LMO7: variants seen among roughly 807,000 people sequenced by gnomAD.
LMO7 encodes the protein LIM domain 7.
In LMO7, 120 loss-of-function variants were observed where a neutral mutation model predicts 206.5. That is an observed-to-expected ratio of 0.58 (90% CI 0.50 to 0.68). The LOEUF (loss-of-function observed/expected upper bound fraction) is 0.68, where lower values mean the gene tolerates loss of function less well. LMO7 is among the 30% of genes least tolerant of loss of function. LMO7 has a pLI of 0.00. For synonymous variants in LMO7, 706 were observed against 681.5 expected (o/e 1.04, Z -0.56); for missense variants, 1,959 against 1,957.9 (o/e 1.00, Z -0.01).
intron 2 of LMO7, among the ~76,000 whole-genome samples, chr13:75,630,515 A>G (rs1300973112): frequency 6.6e-6 from 1 of 152,196 alleles, no homozygotes; most frequent in African/African-American, 2.4e-5. Flanking sequence ...TCTACAAAAA[A>G]TACAAAAATT....
Position 75,821,326 on chromosome 13 carries a change from A to C in LMO7, c.2357A>C (p.Tyr786Ser), listed in dbSNP as rs750238473. ...AGAGTAGAAGAGAAGGGAGCAACTT[A>C]TCCTTCAGAAATTCCCAAAGAAGAT... ...SERVEEKGAT[Y>S]PSEIPKEDST... is the part of the protein sequence containing the mutation. The change falls in exon 14 of 31, where the codon TAT (tyrosine) becomes TCT (serine). Residue 786 changes from tyrosine to serine, a missense_variant. Coordinates refer to ENST00000377534, the MANE Select transcript of LMO7 (RefSeq NM_001306080.2). 1 of 1,614,194 alleles carries C rather than the reference A, an allele frequency of 6.2e-7. No individual in the cohort carries two copies. Among genetic ancestry groups the C allele is most frequent in the South Asian group, 1.1e-5 (1 of 91,088 alleles).
chr13:75,688,856 C>T (rs1048215016), intron 1 of LMO7: 2 of 152,112 alleles, frequency 1.3e-5, no homozygotes, highest in Non-Finnish European at 2.9e-5. Context: ...GAATAAGCTC[C>T]TTCCATTGGG....
chr13:75,763,219 G>A (rs1387144168), intron 4 of LMO7, among the ~76,000 whole-genome samples: 1 of 152,098 alleles, frequency 6.6e-6, no homozygotes, highest in East Asian at 1.9e-4. Flanking sequence ...TGTGCTACAG[G>A]CATCTAATGG....
intron 1 of LMO7, among the ~76,000 whole-genome samples, chr13:75,652,210 T>C (rs1470380698): frequency 6.6e-6 from 1 of 152,148 alleles, no homozygotes; most frequent in Admixed American, 6.5e-5. Context: ...TTCGGTCTCT[T>C]TTAAGTTGGA....
exon 1 of LMO7, chr13:75,621,855 C>T (rs1481549931): frequency 1.9e-6 from 3 of 1,590,490 alleles, no homozygotes; most frequent in Non-Finnish European, 2.6e-6. Context: ...GGGACAGAGT[C>T]TGCAGCAAAA....
chr13:75,712,619 C>T (rs886786102), intron 1 of LMO7, among the ~76,000 whole-genome samples: 16 of 152,136 alleles, frequency 1.1e-4, no homozygotes, highest in South Asian at 4.1e-4. Context: ...TGTCTCTCTG[C>T]GCCAGGATTT....
At chr13:75,857,546 T>G (rs149911891) in intron 30 of LMO7, 39 of 157,724 alleles carry the variant, frequency 2.5e-4, no homozygotes, top group Middle Eastern at 3.1e-3. Context: ...AGGCTGGGCA[T>G]GTACTGGTGG....
In LMO7 at chr13:75,842,927, C is replaced by T. The variant is rs777645858; in HGVS notation, c.4097+11C>T. 9.1e-6 allele frequency: 14 copies of T among 1,537,320 alleles called. No individual in the cohort carries two copies. In the South Asian group the frequency reaches 1.6e-4, roughly 17 times the overall value. On this transcript the variant is annotated intron_variant, in intron 25 of 30. Coordinates refer to ENST00000377534, the MANE Select transcript of LMO7 (RefSeq NM_001306080.2). ...TCTTCCTGGTGACAGGTATGTAGAG[C>T]ATGTTATTGTAATTTAATTGATGAT...
At chr13:75,665,145 G>C (rs2038968355) in intron 1 of LMO7, among the ~76,000 whole-genome samples, 1 of 151,964 alleles carries the variant, frequency 6.6e-6, no homozygotes, top group Non-Finnish European at 1.5e-5. Context: ...TTTTAAATTT[G>C]TTCTCTTGAT....
At chr13:75,632,412 CT>C (rs2035065297), upstream of LMO7, among the ~76,000 whole-genome samples, 1 of 152,076 alleles carries the variant, frequency 6.6e-6, no homozygotes. Context: ...TAGGAAAAAT[CT>C]GACACACTGT....
chr13:75,856,485 T>A, intron 29 of LMO7, 21 bp from the exon 30 acceptor site: 1 of 1,471,080 alleles, frequency 6.8e-7, no homozygotes, highest in Non-Finnish European at 9.5e-7. Flanking sequence ...TTGTAGATGT[T>A]CTTTTTTTTT....
intron 6 of LMO7, among the ~76,000 whole-genome samples, chr13:75,797,739 T>C (rs1284168255): frequency 6.6e-6 from 1 of 152,184 alleles, no homozygotes; most frequent in African/African-American, 2.4e-5. Context: ...CAGCCACATG[T>C]ATTATAGCAA....
At chr13:75,829,294 A>G (rs1374671023) in intron 15 of LMO7, among the ~76,000 whole-genome samples, 1 of 152,168 alleles carries the variant, frequency 6.6e-6, no homozygotes, top group African/African-American at 2.4e-5. Context: ...CCAGAAAGCA[A>G]GAATAGTGGG....
intron 15 of LMO7, among the ~76,000 whole-genome samples, chr13:75,830,928 T>C (rs949599130): frequency 1.3e-5 from 2 of 152,176 alleles, no homozygotes; most frequent in Non-Finnish European, 2.9e-5. Context: ...TAACCCATGA[T>C]TTGTCTGTTT....
intron 3 of LMO7, among the ~76,000 whole-genome samples, chr13:75,754,030 G>T (rs1213032518): frequency 6.6e-6 from 1 of 152,074 alleles, no homozygotes; most frequent in Admixed American, 6.5e-5. Flanking sequence ...ATAATTTGAG[G>T]TGAAATTCAC....
At chr13:75,691,677 A>G (rs1011881742) in intron 1 of LMO7, among the ~76,000 whole-genome samples, 1 of 152,170 alleles carries the variant, frequency 6.6e-6, no homozygotes, top group Non-Finnish European at 1.5e-5. Context: ...TGTACCCTAC[A>G]TACTACAGGG....
rs1566249065 is a variant in LMO7, at chr13:75,626,576, A to ATATT, written c.225+3257_225+3258insATTT. ...TATTGTCTACCCTCTTAACATATAT[A>ATATT]TTATATATATATATATAAATTTTTT... On this transcript the variant is annotated intron_variant, in intron 2 of 29. Coordinates refer to the LMO7 transcript ENST00000341547. Among the ~76,000 whole-genome samples, 93 of 64,404 alleles carry ATATT rather than the reference A, an allele frequency of 1.4e-3. 5 individuals are homozygous for ATATT. Among genetic ancestry groups the ATATT allele is most frequent in the Middle Eastern group, 7.5e-3 (1 of 134 alleles). The allele number at this position is 64,404 out of a possible 152,430, so 42.3% of individuals were successfully genotyped here. A position where few individuals can be genotyped will look rare whatever the true frequency, so the allele number is the denominator to read the frequency against.
At chr13:75,683,649 A>G (rs2040741252) in intron 1 of LMO7, among the ~76,000 whole-genome samples, 1 of 152,174 alleles carries the variant, frequency 6.6e-6, no homozygotes, top group Non-Finnish European at 1.5e-5. Context: ...TAGGAAGTTT[A>G]TTTTGCCAAG....
chr13:75,646,027 A>C (rs752654094), intron 1 of LMO7, among the ~76,000 whole-genome samples: 7 of 152,184 alleles, frequency 4.6e-5, no homozygotes, highest in Non-Finnish European at 1.0e-4. Flanking sequence ...TCTGATAAGC[A>C]TGTCACGCTC....
Sources: gnomAD v4.1 joint callset for allele counts (sites outside exome capture counted in the v4.1 genomes callset) on GRCh38, gnomAD v4.1.1 for gene constraint, MANE v1.5 for transcripts, NCBI Gene and HGNC (gene_info 2026-07-23, HGNC 2026-07-21) for gene names.